Variants in VPS8 observed in about 807,000 individuals in gnomAD.
The protein encoded by VPS8 is VPS8 subunit of CORVET complex, also known as vacuolar protein sorting-associated protein 8 homolog.
VPS8 carries 129 observed loss-of-function variants against 216.4 expected under a neutral mutation model. The ratio of observed to expected loss-of-function variants is 0.60; its 90% CI spans 0.52 to 0.69. The LOEUF is 0.69. Among genes scored for constraint, VPS8 ranks in the 30% least tolerant of loss-of-function variants. The pLI is 0.00. For missense variants in VPS8, 1,531 were observed against 1,683.5 expected (o/e 0.91, Z 1.59); for synonymous variants, 571 against 565.4 (o/e 1.01, Z -0.14).
intron 23 of VPS8, among the ~76,000 whole-genome samples, chr3:184,897,419 T>C (rs1249385615): frequency 2.0e-5 from 3 of 152,182 alleles, no homozygotes; most frequent in Admixed American, 2.0e-4. Flanking sequence ...TTTGAGAAGA[T>C]TGCAAGACTA....
intron 44 of VPS8, among the ~76,000 whole-genome samples, chr3:184,998,154 A>G (rs1752870140): frequency 6.6e-6 from 1 of 152,188 alleles, no homozygotes; most frequent in Non-Finnish European, 1.5e-5. Context: ...CATTTTTATA[A>G]TGAAAGTGAG....
At chr3:184,879,973 A>G (rs1729999781) in intron 21 of VPS8, among the ~76,000 whole-genome samples, 1 of 152,210 alleles carries the variant, frequency 6.6e-6, no homozygotes, top group African/African-American at 2.4e-5. Context: ...TAAATTGATA[A>G]AGACCTGGCT....
chr3:184,941,375 A>G (rs2109329652), intron 36 of VPS8, among the ~76,000 whole-genome samples: 2 of 137,820 alleles, frequency 1.5e-5, no homozygotes, highest in Admixed American at 1.5e-4. Context: ...AAGTATCTGT[A>G]TTTTAATTCT....
intron 46 of VPS8, among the ~76,000 whole-genome samples, chr3:185,040,231 T>A (rs975579376): frequency 3.3e-5 from 5 of 152,154 alleles, no homozygotes; most frequent in African/African-American, 1.2e-4. Flanking sequence ...ACATCCACAC[T>A]ATAGCAGAGC....
At chr3:184,888,882 C>T (rs996917953) in intron 22 of VPS8, among the ~76,000 whole-genome samples, 2 of 152,160 alleles carry the variant, frequency 1.3e-5, no homozygotes, top group African/African-American at 4.8e-5. Flanking sequence ...AGTAATTCTG[C>T]CTCCTGGTTT....
At position 185,051,952 on chromosome 3, in the gene VPS8, C is replaced by T. The variant is rs1212422181; in HGVS notation, c.4214C>T (p.Pro1405Leu). 1.2e-6 allele frequency: 2 copies of T among 1,613,672 alleles called. No individual in the cohort carries two copies. The highest frequency in any genetic ancestry group is 1.7e-6 in the Non-Finnish European group (2 of 1,179,770). Residue 1405 changes from proline to leucine, a missense_variant, in exon 48 of 48, where the codon CCT becomes CTT. Coordinates refer to ENST00000625842, the MANE Select transcript of VPS8 (RefSeq NM_001009921.3). Reference sequence around the variant, plus strand: ...CCATTCAGTGGCTCGCAGAGTGCTCCTGCTTTCAACAGCATCTTCCAGAAT... The same window carrying T: ...CCATTCAGTGGCTCGCAGAGTGCTCTTGCTTTCAACAGCATCTTCCAGAAT... ...YRPFSGSQSA[P>L]AFNSIFQNEN...
At chr3:184,942,406 C>G (rs1351635300) in intron 36 of VPS8, among the ~76,000 whole-genome samples, 2 of 152,162 alleles carry the variant, frequency 1.3e-5, no homozygotes, top group Non-Finnish European at 2.9e-5. Context: ...CATATCAATT[C>G]AGGCGCAAGG....
At chr3:184,885,909 T>C in intron 21 of VPS8, 1 of 511,430 alleles carries the variant, frequency 2.0e-6, no homozygotes, top group Non-Finnish European at 3.5e-6. Flanking sequence ...ATATTTAGGG[T>C]ACATTTCCAG....
At chr3:184,984,905 A>T (rs1163165953) in intron 42 of VPS8, among the ~76,000 whole-genome samples, 1 of 151,512 alleles carries the variant, frequency 6.6e-6, no homozygotes, top group Non-Finnish European at 1.5e-5. Flanking sequence ...TGATTTTTAA[A>T]ATTTTTTATA....
intron 43 of VPS8, 145 bp downstream of exon 43, chr3:184,994,208 T>C: frequency 1.8e-6 from 1 of 563,914 alleles, no homozygotes; most frequent in Non-Finnish European, 3.0e-6. Flanking sequence ...GTATTTCTTT[T>C]AGTTTTTCTC....
chr3:185,026,673 T>C (rs927702123), intron 46 of VPS8, among the ~76,000 whole-genome samples: 2 of 149,452 alleles, frequency 1.3e-5, no homozygotes, highest in African/African-American at 4.9e-5. Context: ...CCTCCCAAAG[T>C]GCTGGGATTA....
rs2108778501 is a variant in VPS8 at position 184,870,889 on chromosome 3, C to G, written c.1734+84C>G. 4 of 1,231,032 alleles carry G rather than the reference C, an allele frequency of 3.2e-6. No homozygotes were observed. The South Asian group carries it at 5.7e-5, about 17-fold the overall frequency. The allele number at this position is 1,231,032 out of a possible 1,614,324, so 76.3% of individuals were successfully genotyped here. A position where few individuals can be genotyped will look rare whatever the true frequency, so the allele number is the denominator to read the frequency against. On this transcript the variant is annotated intron_variant, in intron 21 of 47. Transcript: ENST00000625842. The stretch of plus-strand genomic sequence containing the variant: ...TTATGTTACTTGAGAATGTGACTTT[C>G]ATTTTTGGTTAAACATTTTTTTAGT...
At chr3:184,872,116 A>G (rs1728449612) in intron 21 of VPS8, among the ~76,000 whole-genome samples, 1 of 152,192 alleles carries the variant, frequency 6.6e-6, no homozygotes, top group South Asian at 2.1e-4. Context: ...TACTTTATAT[A>G]TAAGTACTTG....
At chr3:185,004,494 G>GGAAAGAGA (rs1387705147) in intron 45 of VPS8, among the ~76,000 whole-genome samples, 1 of 151,162 alleles carries the variant, frequency 6.6e-6, no homozygotes, top group Non-Finnish European at 1.5e-5. Context: ...GGGAGACCGT[G>GGAAAGAGA]GGGAGAGGGA....
intron 1 of VPS8, among the ~76,000 whole-genome samples, chr3:184,814,315 CCCTATCT>C (rs1715838902): frequency 6.6e-6 from 1 of 152,208 alleles, no homozygotes; most frequent in Non-Finnish European, 1.5e-5. Context: ...ACCCCCAGTT[CCCTATCT>C]CCTCTGCAAC....
intron 22 of VPS8, among the ~76,000 whole-genome samples, chr3:184,888,234 C>T (rs975370863): frequency 1.3e-5 from 2 of 152,132 alleles, no homozygotes; most frequent in African/African-American, 4.8e-5. Flanking sequence ...ATGATCCACC[C>T]GCCTCAGCCT....
At chr3:184,814,092 T>C (rs957923199) in intron 1 of VPS8, among the ~76,000 whole-genome samples, 2 of 152,258 alleles carry the variant, frequency 1.3e-5, no homozygotes, top group African/African-American at 2.4e-5. Context: ...TTTTTCACTG[T>C]TATGAATTTC....
intron 38 of VPS8, 148 bp downstream of exon 38, chr3:184,964,705 T>C: frequency 2.3e-6 from 1 of 430,714 alleles, no homozygotes; most frequent in East Asian, 3.7e-5. Context: ...TTAACTAGAG[T>C]TTAATATTTC....
At chr3:184,960,444 G>A (rs1344347782) in intron 37 of VPS8, among the ~76,000 whole-genome samples, 6 of 152,094 alleles carry the variant, frequency 3.9e-5, no homozygotes, top group African/African-American at 1.2e-4. Flanking sequence ...TATTTTCTGT[G>A]GCCTACAACA....
Sources: gnomAD v4.1 joint callset for allele counts (sites outside exome capture counted in the v4.1 genomes callset) on GRCh38, gnomAD v4.1.1 for gene constraint, MANE v1.5 for transcripts, NCBI Gene and HGNC (gene_info 2026-07-23, HGNC 2026-07-21) for gene names.